IQSEC1: variants seen among roughly 807,000 people sequenced by gnomAD.
IQSEC1 encodes the protein IQ motif and SEC7 domain-containing protein 1.
In IQSEC1, 31 loss-of-function variants were observed where a neutral mutation model predicts 91.0. The ratio of observed to expected loss-of-function variants is 0.34; its 90% CI spans 0.26 to 0.46. The LOEUF is 0.46. Among genes scored for constraint, IQSEC1 ranks in the 20% least tolerant of loss-of-function variants. IQSEC1 has a pLI of 1.00. For synonymous variants in IQSEC1, 699 were observed against 662.6 expected (o/e 1.05, Z -0.84); for missense variants, 1,388 against 1,575.6 (o/e 0.88, Z 2.02).
At chr3:13,110,193 G>A (rs992317346) in intron 2 of IQSEC1, among the ~76,000 whole-genome samples, 33 of 152,100 alleles carry the variant, frequency 2.2e-4, no homozygotes, top group Non-Finnish European at 3.2e-4. Flanking sequence ...GATTAAATTC[G>A]TTTTTGTTTA....
At chr3:13,156,540 A>C (rs1479669186) in intron 2 of IQSEC1, among the ~76,000 whole-genome samples, 1 of 152,246 alleles carries the variant, frequency 6.6e-6, no homozygotes, top group African/African-American at 2.4e-5. Flanking sequence ...TAGCACATTT[A>C]GCTCTGGCCT....
At chr3:13,144,641 C>T (rs1706858086) in intron 2 of IQSEC1, among the ~76,000 whole-genome samples, 2 of 152,228 alleles carry the variant, frequency 1.3e-5, no homozygotes, top group African/African-American at 4.8e-5. Context: ...GAAAGCCCAC[C>T]GCGTCCCTTC....
In IQSEC1 at chr3:13,022,549, G is replaced by A. The variant is rs550252513; in HGVS notation, c.23+50443C>T. On this transcript the variant is annotated intron_variant, in intron 1 of 13. Transcript: ENST00000613206. ...GCCGGAGCCCAGGGGCTGGCCCTGC[G>A]TCCAGAGGCTGGCCTGGGATGGGAG... 180 of 792,624 alleles carry A rather than the reference G, an allele frequency of 2.3e-4. No homozygotes were observed. In the Admixed American group the frequency reaches 3.9e-3, roughly 17 times the overall value. The allele number at this position is 792,624 out of a possible 1,614,324, so 49.1% of individuals were successfully genotyped here.
rs942490820 is a variant in IQSEC1, at chr3:12,983,757, G to A, written c.24-41892C>T. Among the ~76,000 whole-genome samples the A allele has an allele frequency of 1.3e-5, 2 of 152,138 alleles. No homozygotes were observed. The highest frequency in any genetic ancestry group is 4.8e-5 in the African/African-American group (2 of 41,416). On this transcript the variant is annotated intron_variant, in intron 1 of 13. Coordinates refer to ENST00000613206, the MANE Select transcript of IQSEC1 (RefSeq NM_001134382.3). The surrounding 1 kb of genome is among the most constrained non-coding windows in gnomAD (Gnocchi z 4.3). ...TTCCCTCTCCCCTCTGGACAGCTCC[G>A]TGAGGATAAGAATAAGGTTGTCCGA...
chr3:12,900,874 G>A lies in IQSEC1; in HGVS notation c.*109C>T, dbSNP rs1694186589. On this transcript the variant is annotated 3_prime_UTR_variant, in exon 14 of 14. Coordinates refer to ENST00000613206, the MANE Select transcript of IQSEC1 (RefSeq NM_001134382.3). ...GTTGGGCCGTGAGGGGCAGAGGGGAGAGATGGCAACAGAAGTGCCCCGGGT... is the reference window on the plus strand; with the variant it reads ...GTTGGGCCGTGAGGGGCAGAGGGGAAAGATGGCAACAGAAGTGCCCCGGGT... The A allele has an allele frequency of 2.6e-6, 4 of 1,534,116 alleles. No homozygotes were observed. The highest frequency in any genetic ancestry group is 3.5e-6 in the Non-Finnish European group (4 of 1,145,832).
intron 1 of IQSEC1, among the ~76,000 whole-genome samples, chr3:13,045,073 C>G (rs1704445530): frequency 6.6e-6 from 1 of 152,210 alleles, no homozygotes; most frequent in Non-Finnish European, 1.5e-5. Context: ...GGCAAGATGG[C>G]AGGATGGGGC....
intron 1 of IQSEC1, among the ~76,000 whole-genome samples, chr3:13,064,817 G>A (rs1312411823): frequency 1.3e-5 from 2 of 152,190 alleles, no homozygotes; most frequent in Non-Finnish European, 2.9e-5. Context: ...TCTTGGTGTG[G>A]GGGCCTGTCC....
In IQSEC1 at chr3:13,038,340, G is replaced by A. The variant is rs371362095; in HGVS notation, c.23+34652C>T. 2.3e-3 allele frequency among the ~76,000 whole-genome samples: 325 copies of A among 141,158 alleles called. 2 individuals are homozygous for A. The highest frequency in any genetic ancestry group is 0.017 in the South Asian group (77 of 4,482). 92.6% of individuals were successfully genotyped at this position (141,158 alleles called of 152,430 possible). ...AGCCATAAATGATATCCAGCCATTTGCAACCACATGGATGGAACTGGAGGT... is the reference window on the plus strand; with the variant it reads ...AGCCATAAATGATATCCAGCCATTTACAACCACATGGATGGAACTGGAGGT... On this transcript the variant is annotated intron_variant, in intron 1 of 13. Coordinates refer to ENST00000613206, the MANE Select transcript of IQSEC1 (RefSeq NM_001134382.3).
chr3:13,186,373 A>G (rs973475111), intron 1 of IQSEC1, among the ~76,000 whole-genome samples: 2 of 152,200 alleles, frequency 1.3e-5, no homozygotes, highest in African/African-American at 2.4e-5. Flanking sequence ...TTGTATAAAC[A>G]TGATCATTAC....
chr3:13,263,021 A>G (rs1695415272), intron 1 of IQSEC1, among the ~76,000 whole-genome samples: 1 of 152,148 alleles, frequency 6.6e-6, no homozygotes, highest in Non-Finnish European at 1.5e-5. Context: ...GCCAAGGTGG[A>G]CAGATCACAT....
At chr3:13,049,517 A>T (rs957193911) in intron 1 of IQSEC1, among the ~76,000 whole-genome samples, 3 of 152,198 alleles carry the variant, frequency 2.0e-5, no homozygotes, top group Non-Finnish European at 2.9e-5. Context: ...CACTTCACAG[A>T]GGCTGAAGGT....
At chr3:13,178,708 A>C (rs1240405869) in intron 1 of IQSEC1, among the ~76,000 whole-genome samples, 1 of 152,234 alleles carries the variant, frequency 6.6e-6, no homozygotes, top group African/African-American at 2.4e-5. Flanking sequence ...ACCTACTCCA[A>C]ATACTGGAAA....
intron 12 of IQSEC1, among the ~76,000 whole-genome samples, chr3:12,904,642 G>A (rs3773312): frequency 0.12 from 18,479 of 152,130 alleles, 1,200 homozygotes; most frequent in East Asian, 0.16. Context: ...AGGACATTGT[G>A]GCGCCATGTG....
intron 12 of IQSEC1, among the ~76,000 whole-genome samples, chr3:12,904,946 T>C (rs1210537330): frequency 2.0e-5 from 3 of 152,190 alleles, no homozygotes; most frequent in African/African-American, 7.2e-5. Context: ...CTTGGCTGTT[T>C]TGGAGTGACG....
chr3:13,201,235 T>A (rs1694239851), intron 1 of IQSEC1, among the ~76,000 whole-genome samples: 1 of 152,200 alleles, frequency 6.6e-6, no homozygotes, highest in African/African-American at 2.4e-5. Flanking sequence ...CTCCCAACCT[T>A]CCCTCTGTAC....
At chr3:13,184,403 C>T (rs1693895802) in intron 1 of IQSEC1, among the ~76,000 whole-genome samples, 1 of 152,180 alleles carries the variant, frequency 6.6e-6, no homozygotes, top group Non-Finnish European at 1.5e-5. Flanking sequence ...TGACAGTATT[C>T]AACACTGATT....
At chr3:12,931,669 G>A (rs1697688238) in intron 3 of IQSEC1, among the ~76,000 whole-genome samples, 1 of 152,196 alleles carries the variant, frequency 6.6e-6, no homozygotes, top group African/African-American at 2.4e-5. Flanking sequence ...CCCTGGGGGC[G>A]CTGGAAGGGT....
intron 1 of IQSEC1, among the ~76,000 whole-genome samples, chr3:13,225,829 T>C (rs1455011155): frequency 1.3e-5 from 2 of 152,130 alleles, no homozygotes; most frequent in Non-Finnish European, 2.9e-5. Flanking sequence ...GCACCTTGCA[T>C]AGGGTGCAAG....
At chr3:12,916,852 A>C (rs1044617129) in intron 6 of IQSEC1, among the ~76,000 whole-genome samples, 2 of 152,238 alleles carry the variant, frequency 1.3e-5, no homozygotes, top group Non-Finnish European at 2.9e-5. Context: ...AGTAAAGCAC[A>C]TGGGCCGTTT....
Sources: gnomAD v4.1 joint callset for allele counts (sites outside exome capture counted in the v4.1 genomes callset) on GRCh38, gnomAD v4.1.1 for gene constraint, Gnocchi (gnomAD v3.1) non-coding constraint, MANE v1.5 for transcripts, NCBI Gene and HGNC (gene_info 2026-07-23, HGNC 2026-07-21) for gene names.